The following NXPH2 variants were observed in gnomAD, a reference collection of about 807,000 sequenced individuals.
NXPH2 encodes neurexophilin-2.
A neutral mutation model predicts 19.8 loss-of-function variants in NXPH2; 5 were observed. That is an observed-to-expected ratio of 0.25 (90% CI 0.13 to 0.53). The LOEUF (loss-of-function observed/expected upper bound fraction) is 0.53, where lower values mean the gene tolerates loss of function less well. NXPH2 is among the 20% of genes least tolerant of loss of function. NXPH2 has a pLI of 0.96. For synonymous variants in NXPH2, 154 were observed against 127.4 expected, an observed-to-expected ratio of 1.21 and a Z score of -1.41; for missense variants, 289 against 322.8, an observed-to-expected ratio of 0.90 and a Z score of 0.80.
intron 1 of NXPH2, among the ~76,000 whole-genome samples, chr2:138,759,267 A>G (rs1408779682): frequency 6.6e-6 from 1 of 152,170 alleles, no homozygotes; most frequent in African/African-American, 2.4e-5. Context: ...AAAGCTTACA[A>G]CAGTGGCTTA....
chr2:138,690,572 A>G (rs1680731624), intron 1 of NXPH2, among the ~76,000 whole-genome samples: 1 of 147,412 alleles, frequency 6.8e-6, no homozygotes, highest in South Asian at 2.1e-4. Context: ...CTCTCAAAAA[A>G]CTCAGAAATT....
At chr2:138,746,685 C>T (rs1681741127) in intron 1 of NXPH2, among the ~76,000 whole-genome samples, 1 of 152,158 alleles carries the variant, frequency 6.6e-6, no homozygotes, top group South Asian at 2.1e-4. Flanking sequence ...CTCTCTTGCT[C>T]ATAACCTACT....
At chr2:138,675,862 A>T (rs1487385695) in intron 1 of NXPH2, among the ~76,000 whole-genome samples, 1 of 152,178 alleles carries the variant, frequency 6.6e-6, no homozygotes, top group East Asian at 1.9e-4. Flanking sequence ...AAAGTAATAA[A>T]ATTTAGCTAA....
At chr2:138,755,507 C>T (rs184256368) in intron 1 of NXPH2, among the ~76,000 whole-genome samples, 38 of 152,150 alleles carry the variant, frequency 2.5e-4, no homozygotes, top group African/African-American at 8.9e-4. Flanking sequence ...TCTTAGTTCT[C>T]TTTTTTGCAC....
intron 1 of NXPH2, among the ~76,000 whole-genome samples, chr2:138,703,820 C>T (rs934613390): frequency 7.9e-5 from 12 of 152,194 alleles, no homozygotes; most frequent in Admixed American, 3.3e-4. Context: ...GAAACATGCA[C>T]TTACTGAGAA....
chr2:138,691,116 A>G (rs1680738812), intron 1 of NXPH2, among the ~76,000 whole-genome samples: 1 of 152,236 alleles, frequency 6.6e-6, no homozygotes. Flanking sequence ...AAAGGGCACA[A>G]GGTGATTTTG....
intron 1 of NXPH2, among the ~76,000 whole-genome samples, chr2:138,716,574 G>T (rs192019402): frequency 6.6e-6 from 1 of 152,138 alleles, no homozygotes; most frequent in African/African-American, 2.4e-5. Flanking sequence ...GTTTAAGCCC[G>T]TCAGTTTGTG....
At chr2:138,692,429 C>A (rs1476024787) in intron 1 of NXPH2, among the ~76,000 whole-genome samples, 3 of 152,144 alleles carry the variant, frequency 2.0e-5, no homozygotes, top group African/African-American at 7.2e-5. Flanking sequence ...TAAAACAAGC[C>A]TCAAATGATA....
chr2:138,682,091 T>C (rs936845077), intron 1 of NXPH2, among the ~76,000 whole-genome samples: 1 of 152,140 alleles, frequency 6.6e-6, no homozygotes, highest in Non-Finnish European at 1.5e-5. Context: ...TACTGTCCTA[T>C]ATCCTGCAGC....
At chr2:138,735,567 G>C (rs1389763826) in intron 1 of NXPH2, among the ~76,000 whole-genome samples, 1 of 152,090 alleles carries the variant, frequency 6.6e-6, no homozygotes, top group Non-Finnish European at 1.5e-5. Context: ...GGGAATTATG[G>C]GAGATACAAT....
At chr2:138,713,187 G>A (rs1485124390) in intron 1 of NXPH2, among the ~76,000 whole-genome samples, 1 of 152,198 alleles carries the variant, frequency 6.6e-6, no homozygotes, top group Admixed American at 6.5e-5. Flanking sequence ...TGGTTCTTCT[G>A]AGATGGATCT....
intron 1 of NXPH2, among the ~76,000 whole-genome samples, chr2:138,746,024 G>A (rs886640029): frequency 5.3e-5 from 8 of 152,136 alleles, no homozygotes; most frequent in Admixed American, 1.3e-4. Context: ...GCTGATAGTC[G>A]TGGGGAGAGG....
chr2:138,720,833 A>G (rs910367407), intron 1 of NXPH2, among the ~76,000 whole-genome samples: 1 of 152,198 alleles, frequency 6.6e-6, no homozygotes, highest in African/African-American at 2.4e-5. Context: ...TGTTGTGAAC[A>G]TTAAACCAGA....
intron 1 of NXPH2, among the ~76,000 whole-genome samples, chr2:138,705,965 A>G (rs1039685528): frequency 2.0e-5 from 3 of 152,194 alleles, no homozygotes; most frequent in Non-Finnish European, 4.4e-5. Context: ...TTCCCCATAA[A>G]AATGTAATAT....
intron 1 of NXPH2, among the ~76,000 whole-genome samples, chr2:138,713,219 G>T (rs1408123425): frequency 2.0e-5 from 3 of 152,172 alleles, no homozygotes; most frequent in Admixed American, 6.5e-5. Flanking sequence ...CCTGCCAGCT[G>T]CCCTTTGGAT....
intron 1 of NXPH2, among the ~76,000 whole-genome samples, chr2:138,693,466 C>G (rs1298529646): frequency 2.0e-5 from 3 of 152,156 alleles, no homozygotes; most frequent in Admixed American, 6.5e-5. Context: ...ACAGTATATT[C>G]AGAACCCACA....
chr2:138,690,933 G>A (rs2104975758), intron 1 of NXPH2, among the ~76,000 whole-genome samples: 1 of 152,298 alleles, frequency 6.6e-6, no homozygotes, highest in Non-Finnish European at 1.5e-5. Context: ...AGATTGGGTG[G>A]CCAAAGAAGA....
intron 1 of NXPH2, among the ~76,000 whole-genome samples, chr2:138,674,303 G>A (rs751908780): frequency 8.6e-5 from 13 of 151,888 alleles, no homozygotes; most frequent in Admixed American, 1.3e-4. Flanking sequence ...ACAGGCATGC[G>A]CCACCATGCC....
At position 138,755,997 on chromosome 2, in the gene NXPH2, A is replaced by G. The variant is rs77236435; in HGVS notation, c.51+24194T>C. Among the ~76,000 whole-genome samples, 740 of 152,160 alleles carry G rather than the reference A, an allele frequency of 4.9e-3. 5 individuals carry two copies. Among genetic ancestry groups the G allele is most frequent in the African/African-American group, 0.017 (705 of 41,558 alleles). ...GTTCTTTACTGGTATACAGGAAACA[A>G]ATGAACTTACTAACCTTGTATCCTG... On this transcript the variant is annotated intron_variant, in intron 1 of 1. Transcript: ENST00000272641.
Sources: gnomAD v4.1 joint callset for allele counts (sites outside exome capture counted in the v4.1 genomes callset) on GRCh38, gnomAD v4.1.1 for gene constraint, MANE v1.5 for transcripts, NCBI Gene and HGNC (gene_info 2026-07-23, HGNC 2026-07-21) for gene names.